The following LMNTD1 variants were observed in gnomAD, a reference collection of about 807,000 sequenced individuals.
LMNTD1 encodes the protein lamin tail domain-containing protein 1.
A neutral mutation model predicts 50.9 loss-of-function variants in LMNTD1; 35 were observed. The observed-to-expected ratio is 0.69, with a 90% confidence interval of 0.53 to 0.91. The LOEUF (loss-of-function observed/expected upper bound fraction) is 0.91, where lower values mean the gene tolerates loss of function less well. LMNTD1 is among the 40% of genes least tolerant of loss of function. The pLI is 0.00. For synonymous variants in LMNTD1, 153 were observed against 161.9 expected (o/e 0.94, Z 0.42); for missense variants, 470 against 475.5 (o/e 0.99, Z 0.11).
At chr12:25,611,258 T>C (rs1432500215) in intron 1 of LMNTD1, among the ~76,000 whole-genome samples, 1 of 152,224 alleles carries the variant, frequency 6.6e-6, no homozygotes, top group Non-Finnish European at 1.5e-5. Flanking sequence ...TGTTATGATA[T>C]GATTAGATCA....
chr12:25,497,312 C>T (rs1412516763), intron 9 of LMNTD1, among the ~76,000 whole-genome samples: 3 of 152,030 alleles, frequency 2.0e-5, no homozygotes, highest in East Asian at 3.9e-4. Flanking sequence ...GGTATTTCAA[C>T]GGCCGGCGGG....
intron 4 of LMNTD1, among the ~76,000 whole-genome samples, chr12:25,546,054 A>AAT (rs879512601): frequency 1.3e-5 from 2 of 151,632 alleles, no homozygotes; most frequent in African/African-American, 2.4e-5. Flanking sequence ...ACTAGAAGAA[A>AAT]ATATATATAT....
At chr12:25,507,319 G>T (rs1939871775) in intron 8 of LMNTD1, among the ~76,000 whole-genome samples, 1 of 152,174 alleles carries the variant, frequency 6.6e-6, no homozygotes. Context: ...TATTCATTCT[G>T]TATTCAAATT....
chr12:25,525,210 T>C lies in LMNTD1; in HGVS notation c.798+889A>G, dbSNP rs557956049. ...CCATGGGTATATATGTATGCTAATA[T>C]TATACCGAGAGAAAGGTTGAGTGAA... On this transcript the variant is annotated intron_variant, in intron 6 of 9. Transcript: ENST00000458174. Among the ~76,000 whole-genome samples the C allele has an allele frequency of 4.6e-5, 7 of 152,288 alleles. No individual in the cohort carries two copies. In the East Asian group the frequency reaches 1.3e-3, roughly 29 times the overall value.
intron 1 of LMNTD1, among the ~76,000 whole-genome samples, chr12:25,605,560 T>C (rs563889163): frequency 1.8e-4 from 27 of 152,348 alleles, no homozygotes; most frequent in Non-Finnish European, 3.4e-4. Context: ...TTTCTACATA[T>C]GGCCAGCCAG....
rs12824916 is a variant in LMNTD1, at chr12:25,526,926, A to C, written c.521T>G (p.Val174Gly). 14 of 1,609,374 alleles carry C rather than the reference A, an allele frequency of 8.7e-6. No homozygotes were observed. Among genetic ancestry groups the C allele is most frequent in the Non-Finnish European group, 1.2e-5 (14 of 1,178,122 alleles). The change falls in exon 5 of 10, where the codon GTG becomes GGG. Residue 174 changes from valine to glycine, a missense_variant. Physicochemically the swap from Val to Gly is moderately radical, Grantham distance 109 (BLOSUM62 -3). Transcript: ENST00000458174. ...CTTCACGAACAAACCCTTGACATTC[A>C]CTTCAGCTATTTCAACATCTCCAAG... is the stretch of plus-strand genomic sequence containing the variant. Reference protein sequence around the residue: ...SSLGDVEIAEVNVKGLFVKLI... With the variant: ...SSLGDVEIAEGNVKGLFVKLI...
At chr12:25,595,401 C>T (rs1912653) in intron 1 of LMNTD1, among the ~76,000 whole-genome samples, 14,087 of 151,938 alleles carry the variant, frequency 0.093, 1,042 homozygotes, top group African/African-American at 0.21. Flanking sequence ...CAGTGGAATA[C>T]AACTGGAAAT....
intron 9 of LMNTD1, chr12:25,500,076 A>T (rs1939300310): frequency 6.6e-6 from 1 of 152,214 alleles, no homozygotes; most frequent in South Asian, 2.1e-4. Context: ...GGAAAAAAAA[A>T]TTCATGAAAT....
intron 1 of LMNTD1, among the ~76,000 whole-genome samples, chr12:25,579,750 C>G (rs1945197707): frequency 6.6e-6 from 1 of 152,142 alleles, no homozygotes; most frequent in Admixed American, 6.6e-5. Flanking sequence ...TCCTTTCCCT[C>G]TCTCAGTATA....
At chr12:25,484,327 G>A (rs1938542927) in intron 9 of LMNTD1, among the ~76,000 whole-genome samples, 1 of 151,782 alleles carries the variant, frequency 6.6e-6, no homozygotes, top group Admixed American at 6.6e-5. Flanking sequence ...TTGAACTCCT[G>A]AGTTCAAACA....
chr12:25,526,486 T>G (rs1233387476), intron 5 of LMNTD1, among the ~76,000 whole-genome samples: 1 of 152,170 alleles, frequency 6.6e-6, no homozygotes, highest in East Asian at 1.9e-4. Flanking sequence ...GGTTTATATT[T>G]ACTTGGTTTC....
intron 1 of LMNTD1, among the ~76,000 whole-genome samples, chr12:25,559,821 T>A (rs1201635838): frequency 3.3e-5 from 5 of 152,270 alleles, no homozygotes; most frequent in African/African-American, 1.2e-4. Context: ...TTTTCACGTG[T>A]CTGTTCACTG....
chr12:25,576,016 G>T (rs1177134997), intron 1 of LMNTD1, among the ~76,000 whole-genome samples: 1 of 152,152 alleles, frequency 6.6e-6, no homozygotes, highest in Non-Finnish European at 1.5e-5. Context: ...CAAAGGGCAG[G>T]AACTCATCCT....
intron 1 of LMNTD1, among the ~76,000 whole-genome samples, chr12:25,569,152 C>A (rs986919569): frequency 6.6e-5 from 10 of 152,114 alleles, no homozygotes; most frequent in African/African-American, 2.4e-4. Flanking sequence ...CCCGGCAAAG[C>A]CATGGAGGCA....
chr12:25,575,805 A>G (rs1944990015), intron 1 of LMNTD1, among the ~76,000 whole-genome samples: 1 of 152,104 alleles, frequency 6.6e-6, no homozygotes. Flanking sequence ...CGTCACTTCC[A>G]TTAGGTATAT....
At chr12:25,525,653 G>A (rs1412285905) in intron 6 of LMNTD1, among the ~76,000 whole-genome samples, 1 of 152,106 alleles carries the variant, frequency 6.6e-6, no homozygotes, top group South Asian at 2.1e-4. Context: ...TGCCTGATGT[G>A]TTGTGGCATT....
At chr12:25,501,927 C>T (rs1391892886) in intron 9 of LMNTD1, among the ~76,000 whole-genome samples, 1 of 152,084 alleles carries the variant, frequency 6.6e-6, no homozygotes, top group East Asian at 1.9e-4. Flanking sequence ...CAGTGAAGGG[C>T]ACATTGATGA....
chr12:25,568,042 T>C (rs1245378590), intron 1 of LMNTD1, among the ~76,000 whole-genome samples: 1 of 152,102 alleles, frequency 6.6e-6, no homozygotes, highest in Non-Finnish European at 1.5e-5. Context: ...GTTTGGAACT[T>C]CTTAGAGACC....
intron 8 of LMNTD1, among the ~76,000 whole-genome samples, chr12:25,507,184 T>C (rs936719547): frequency 1.3e-5 from 2 of 152,122 alleles, no homozygotes; most frequent in African/African-American, 4.8e-5. Context: ...ACACATTATA[T>C]CTATATATGC....
Sources: gnomAD v4.1 joint callset for allele counts (sites outside exome capture counted in the v4.1 genomes callset) on GRCh38, gnomAD v4.1.1 for gene constraint, MANE v1.5 for transcripts, NCBI Gene and HGNC (gene_info 2026-07-23, HGNC 2026-07-21) for gene names.